Variants in MOB1B observed in about 807,000 individuals in gnomAD.
The protein encoded by MOB1B is MOB1 Mps One Binder homolog B.
A neutral mutation model predicts 24.4 loss-of-function variants in MOB1B; 19 were observed. The observed-to-expected ratio is 0.78, with a 90% CI of 0.54 to 1.14. The LOEUF (loss-of-function observed/expected upper bound fraction) is 1.14. Ranked by LOEUF, MOB1B falls within the 50% of genes most tolerant of loss-of-function variation. The pLI, the probability that MOB1B is intolerant of heterozygous loss-of-function variation, is 0.00. For missense variants in MOB1B, 243 were observed against 259.6 expected (o/e 0.94, Z 0.44); for synonymous variants, 76 against 82.1 (o/e 0.93, Z 0.40).
chr4:70,941,491 G>A (rs1737336357), intron 1 of MOB1B, among the ~76,000 whole-genome samples: 3 of 151,978 alleles, frequency 2.0e-5, no homozygotes, highest in South Asian at 2.1e-4. Flanking sequence ...ATAGGTGCCC[G>A]TTACCACGCC....
intron 4 of MOB1B, chr4:70,975,620 T>C: frequency 3.1e-6 from 3 of 956,898 alleles, no homozygotes; most frequent in Middle Eastern, 1.0e-3. Flanking sequence ...TATCACTGAG[T>C]TTATTTTCAG....
intron 1 of MOB1B, among the ~76,000 whole-genome samples, chr4:70,938,073 G>A (rs755939548): frequency 1.3e-5 from 2 of 151,074 alleles, no homozygotes; most frequent in African/African-American, 2.4e-5. Flanking sequence ...TACTTTTTTC[G>A]ATTTTGGTGT....
intron 1 of MOB1B, among the ~76,000 whole-genome samples, chr4:70,952,642 C>T: frequency 1.9e-5 from 1 of 54,028 alleles, no homozygotes; most frequent in East Asian, 4.9e-4. Flanking sequence ...GACGCCGTCT[C>T]AAAAAAAAAA....
intron 4 of MOB1B, chr4:70,976,093 G>A: frequency 2.3e-6 from 1 of 443,648 alleles, no homozygotes; most frequent in Non-Finnish European, 3.0e-6. Flanking sequence ...GTAGAGACAG[G>A]GTTTCACCAT....
chr4:70,958,019 C>T (rs897692356), intron 1 of MOB1B, among the ~76,000 whole-genome samples: 3 of 151,944 alleles, frequency 2.0e-5, no homozygotes, highest in Non-Finnish European at 4.4e-5. Flanking sequence ...GTGTCTGTGT[C>T]TCTGTGTGTG....
chr4:70,936,580 G>T (rs954798317), intron 1 of MOB1B, among the ~76,000 whole-genome samples: 1 of 152,000 alleles, frequency 6.6e-6, no homozygotes, highest in South Asian at 2.1e-4. Flanking sequence ...GTATTATATA[G>T]TCCTGCACCA....
chr4:70,981,756 A>G (rs1298129845), intron 5 of MOB1B, among the ~76,000 whole-genome samples: 1 of 152,196 alleles, frequency 6.6e-6, no homozygotes, highest in Non-Finnish European at 1.5e-5. Flanking sequence ...CAATAATTTT[A>G]TGAGATAGGG....
chr4:70,966,483 T>C (rs1313019921), intron 2 of MOB1B, among the ~76,000 whole-genome samples: 1 of 151,962 alleles, frequency 6.6e-6, no homozygotes, highest in East Asian at 1.9e-4. Flanking sequence ...CAAGCGGTTC[T>C]CTTGCCTCAG....
At chr4:70,902,352 C>T (rs926203080), upstream of MOB1B, 48 of 688,240 alleles carry the variant, frequency 7.0e-5, no homozygotes, top group Admixed American at 5.3e-4. Flanking sequence ...TACCCACTTC[C>T]GCCCCCTCCC....
intron 1 of MOB1B, among the ~76,000 whole-genome samples, chr4:70,953,141 G>C (rs1055602512): frequency 2.6e-5 from 4 of 151,872 alleles, no homozygotes; most frequent in Admixed American, 2.6e-4. Context: ...GTTTCACCAT[G>C]TTGGCCAGGC....
At chr4:70,904,031 A>G (rs1226150828) in intron 1 of MOB1B, among the ~76,000 whole-genome samples, 3 of 112,088 alleles carry the variant, frequency 2.7e-5, no homozygotes, top group African/African-American at 1.0e-4. Flanking sequence ...ACCAGGCTGG[A>G]GTGTGTAGTG....
At chr4:70,937,671 C>A (rs866807098) in intron 1 of MOB1B, among the ~76,000 whole-genome samples, 26 of 152,058 alleles carry the variant, frequency 1.7e-4, no homozygotes, top group Admixed American at 3.3e-4. Context: ...GCCACCACAC[C>A]CAGCTAATTT....
At chr4:70,937,494 T>G (rs1488763033) in intron 1 of MOB1B, among the ~76,000 whole-genome samples, 1 of 151,860 alleles carries the variant, frequency 6.6e-6, no homozygotes, top group Non-Finnish European at 1.5e-5. Context: ...GTCCTTAATT[T>G]TTTTTTTCTC....
chr4:70,937,626 C>T (rs1319900355), intron 1 of MOB1B, among the ~76,000 whole-genome samples: 1 of 151,858 alleles, frequency 6.6e-6, no homozygotes, highest in East Asian at 1.9e-4. Context: ...ATTCTCATGT[C>T]TCAGTCTCCC....
intron 1 of MOB1B, among the ~76,000 whole-genome samples, chr4:70,903,042 C>T (rs527430956): frequency 1.3e-5 from 2 of 152,288 alleles, no homozygotes; most frequent in African/African-American, 4.8e-5. Context: ...CCTCTCTCGT[C>T]TTAGGGCTGG....
At chr4:70,926,687 G>A (rs1418428072) in intron 1 of MOB1B, among the ~76,000 whole-genome samples, 1 of 152,132 alleles carries the variant, frequency 6.6e-6, no homozygotes, top group Non-Finnish European at 1.5e-5. Flanking sequence ...TGCTGGTGGT[G>A]GGAGGAGAAA....
intron 1 of MOB1B, among the ~76,000 whole-genome samples, chr4:70,907,099 GA>G (rs1253263805): frequency 5.9e-5 from 9 of 152,204 alleles, no homozygotes; most frequent in African/African-American, 2.2e-4. Flanking sequence ...AATTGCCTGT[GA>G]ATTGTTCACT....
chr4:70,956,136 C>T (rs911553133), intron 1 of MOB1B, among the ~76,000 whole-genome samples: 1 of 152,052 alleles, frequency 6.6e-6, no homozygotes, highest in African/African-American at 2.4e-5. Context: ...CTAGTGTGGG[C>T]CTAGAGCTTG....
intron 1 of MOB1B, among the ~76,000 whole-genome samples, chr4:70,905,796 G>A (rs2148864377): frequency 6.6e-6 from 1 of 152,192 alleles, no homozygotes; most frequent in Admixed American, 6.5e-5. Flanking sequence ...CGGGCACAGT[G>A]GCTCCTGCTT....
Sources: gnomAD v4.1 joint callset for allele counts (sites outside exome capture counted in the v4.1 genomes callset) on GRCh38, gnomAD v4.1.1 for gene constraint, MANE v1.5 for transcripts, NCBI Gene and HGNC (gene_info 2026-07-23, HGNC 2026-07-21) for gene names.